IGSF3: variants seen among roughly 807,000 people sequenced by gnomAD.
IGSF3 encodes the protein immunoglobulin superfamily member 3.
IGSF3 carries 23 observed loss-of-function variants against 114.4 expected under a neutral mutation model. The ratio of observed to expected loss-of-function variants is 0.20; its 90% CI spans 0.14 to 0.28. IGSF3 has a LOEUF of 0.28. Among genes scored for constraint, IGSF3 ranks in the 10% least tolerant of loss-of-function variants. The probability of loss-of-function intolerance (pLI) is 1.00; values close to 1 mark genes in which losing one functional copy is unlikely to be tolerated. For synonymous variants in IGSF3, 571 were observed against 645.2 expected, an observed-to-expected ratio of 0.88 and a Z score of 1.74; for missense variants, 1,172 against 1,591.5, an observed-to-expected ratio of 0.74 and a Z score of 4.48.
intron 2 of IGSF3, among the ~76,000 whole-genome samples, chr1:116,635,423 C>T (rs2878672): frequency 0.12 from 17,818 of 152,160 alleles, 1,414 homozygotes; most frequent in Non-Finnish European, 0.17. Context: ...CATGGAGTGT[C>T]CCTAGATTCT....
chr1:116,592,308 C>T lies in IGSF3; in HGVS notation c.2030-3204G>A, dbSNP rs1660147575. Among the ~76,000 whole-genome samples the T allele has an allele frequency of 6.6e-6, 1 of 152,178 alleles. No homozygotes were observed. The highest frequency in any genetic ancestry group is 1.5e-5 in the Non-Finnish European group (1 of 68,034). ...AAGAAAAGAGTGAGGCTTGGTTAAC[C>T]CCCAACAGTGAATTGGCAGGAGGAA... On this transcript the variant is annotated intron_variant, in intron 7 of 10. Transcript: ENST00000369486. The surrounding 1 kb of genome is among the most constrained non-coding windows in gnomAD (Gnocchi z 4.5).
chr1:116,604,238 T>C (rs1253589551), intron 5 of IGSF3, among the ~76,000 whole-genome samples: 1 of 152,208 alleles, frequency 6.6e-6, no homozygotes, highest in Non-Finnish European at 1.5e-5. Flanking sequence ...TAGGATGTTC[T>C]TTGCCATGTG....
At position 116,654,169 on chromosome 1, in the gene IGSF3, C is replaced by T. The variant is rs966671898; in HGVS notation, c.43+12115G>A. ...TCTCCAAACCAACACCAAACCACTG[C>T]CAAACAAAGCTGAAGAGGAAAACCA... On this transcript the variant is annotated intron_variant, in intron 2 of 10. Transcript: ENST00000369486. This position sits in a 1 kb window ranked among gnomAD's most constrained non-coding sequence, Gnocchi z 4.4. Among the ~76,000 whole-genome samples the T allele has an allele frequency of 6.6e-6, 1 of 152,190 alleles. No individual in the cohort carries two copies.
rs1228895699 is a variant in IGSF3, at chr1:116,651,216, G to A, written c.43+15068C>T. On this transcript the variant is annotated intron_variant, in intron 2 of 10. Transcript: ENST00000369486. The surrounding 1 kb of genome is among the most constrained non-coding windows in gnomAD (Gnocchi z 4.4). Reference sequence around the variant, plus strand: ...AGTCTCCCTACACTAAGACTTAAAGGGAAGGCTTCTTTGGCTATGCCAGTA... The same window carrying A: ...AGTCTCCCTACACTAAGACTTAAAGAGAAGGCTTCTTTGGCTATGCCAGTA... Among the ~76,000 whole-genome samples the A allele has an allele frequency of 2.0e-5, 3 of 152,192 alleles. No homozygotes were observed. Among genetic ancestry groups the A allele is most frequent in the African/African-American group, 7.2e-5 (3 of 41,448 alleles).
At chr1:116,606,672 G>C (rs994711941) in intron 5 of IGSF3, 17 of 623,376 alleles carry the variant, frequency 2.7e-5, no homozygotes, top group African/African-American at 2.6e-4. Flanking sequence ...TTGATCCTTA[G>C]AAAACAATGA....
chr1:116,584,521 G>A lies in IGSF3; in HGVS notation c.2848+124C>T. On this transcript the variant is annotated intron_variant, in intron 9 of 10. Transcript: ENST00000369486. The surrounding 1 kb of genome is among the most constrained non-coding windows in gnomAD (Gnocchi z 5.8). ...ATTTTGAATATAAATGCATATACAT[G>A]TAGACACTCATATATTTAACTGCAA... The A allele has an allele frequency of 1.0e-6, 1 of 954,830 alleles. No homozygotes were observed. The highest frequency in any genetic ancestry group is 1.5e-5 in the South Asian group (1 of 66,780). 59.1% of individuals were successfully genotyped at this position (954,830 alleles called of 1,614,324 possible). A position where few individuals can be genotyped will look rare whatever the true frequency, so the allele number is the denominator to read the frequency against.
chr1:116,609,314 G>A (rs1243478794), intron 4 of IGSF3, among the ~76,000 whole-genome samples: 5 of 151,740 alleles, frequency 3.3e-5, no homozygotes, highest in African/African-American at 4.8e-5. Flanking sequence ...TGGCATGATC[G>A]TGGCTCACTG....
rs1027125650 is a variant in IGSF3 at position 116,666,450 on chromosome 1, A to G, written c.-124T>C. On this transcript the variant is annotated 5_prime_UTR_variant, in exon 2 of 11. Transcript: ENST00000369486. ...TTTGGAAATAGAACTTAACTCGGAA[A>G]ATGGGAACAGATTAAAAAGAAGAGA... 27 of 874,352 alleles carry G rather than the reference A, an allele frequency of 3.1e-5. No individual in the cohort carries two copies. Among genetic ancestry groups the G allele is most frequent in the Non-Finnish European group, 5.0e-5 (26 of 521,840 alleles). The allele number at this position is 874,352 out of a possible 1,614,324, so 54.2% of individuals were successfully genotyped here.
Position 116,577,663 on chromosome 1 carries a change from G to A in IGSF3, c.3335-101C>T. ...CACCTGACCCAGTGGAAGCTCCTCG[G>A]TGACACTCCCACACCACCTTGTCTT... On this transcript the variant is annotated intron_variant, in intron 10 of 10. Transcript: ENST00000369486. The surrounding 1 kb of genome is among the most constrained non-coding windows in gnomAD (Gnocchi z 5.7). The A allele has an allele frequency of 1.8e-6, 2 of 1,081,288 alleles. No homozygotes were observed. Among genetic ancestry groups the A allele is most frequent in the Non-Finnish European group, 2.7e-6 (2 of 733,430 alleles). 67.0% of individuals were successfully genotyped at this position (1,081,288 alleles called of 1,614,324 possible). A position where few individuals can be genotyped will look rare whatever the true frequency, so the allele number is the denominator to read the frequency against.
chr1:116,617,928 C>T (rs1557874077), intron 2 of IGSF3, among the ~76,000 whole-genome samples: 1 of 152,254 alleles, frequency 6.6e-6, no homozygotes, highest in African/African-American at 2.4e-5. Flanking sequence ...CTTGTGATAG[C>T]TTCCCTTTTC....
chr1:116,653,298 T>C (rs1306996923), intron 2 of IGSF3, among the ~76,000 whole-genome samples: 1 of 152,240 alleles, frequency 6.6e-6, no homozygotes, highest in Non-Finnish European at 1.5e-5. Context: ...GTCAGATTAC[T>C]GATGGGCATA....
chr1:116,597,790 G>C (rs1225170436), intron 7 of IGSF3, among the ~76,000 whole-genome samples: 1 of 152,160 alleles, frequency 6.6e-6, no homozygotes, highest in Non-Finnish European at 1.5e-5. Flanking sequence ...AGAGATACCT[G>C]GGCTCCAATC....
At chr1:116,658,421 C>A (rs1184725872) in intron 2 of IGSF3, among the ~76,000 whole-genome samples, 1 of 152,038 alleles carries the variant, frequency 6.6e-6, no homozygotes, top group Non-Finnish European at 1.5e-5. Flanking sequence ...CTGGGCCCCC[C>A]ACCTTCAGAA....
At position 116,612,588 on chromosome 1, in the gene IGSF3, C is replaced by A. The variant is rs920227064; in HGVS notation, c.832+1177G>T. On this transcript the variant is annotated intron_variant, in intron 4 of 10. Transcript: ENST00000369486. This position sits in a 1 kb window ranked among gnomAD's most constrained non-coding sequence, Gnocchi z 4.1. Reference sequence around the variant, plus strand: ...CAGAGAAAGTATGCAAAGACCCAGACAACTGACTGCAGCAAATGGAACAGG... The same window carrying A: ...CAGAGAAAGTATGCAAAGACCCAGAAAACTGACTGCAGCAAATGGAACAGG... 1.4e-4 allele frequency among the ~76,000 whole-genome samples: 22 copies of A among 152,242 alleles called. No homozygotes were observed. Among genetic ancestry groups the A allele is most frequent in the Admixed American group, 3.9e-4 (6 of 15,284 alleles).
At chr1:116,635,377 C>T (rs2336298) in intron 2 of IGSF3, among the ~76,000 whole-genome samples, 11 of 152,290 alleles carry the variant, frequency 7.2e-5, no homozygotes, top group South Asian at 4.1e-4. Flanking sequence ...TAGAGTAGTC[C>T]GTGCCCTTCT....
Position 116,647,145 on chromosome 1 carries a change from G to A in IGSF3, c.43+19139C>T, listed in dbSNP as rs950496475. ...AGGTATGGCAGGTGACAAAAAAGAT[G>A]AGGCTGAAGGTCAGGAGAGACCCAG... On this transcript the variant is annotated intron_variant, in intron 2 of 10. Transcript: ENST00000369486. This position sits in a 1 kb window ranked among gnomAD's most constrained non-coding sequence, Gnocchi z 4.6. 5.3e-5 allele frequency among the ~76,000 whole-genome samples: 8 copies of A among 152,214 alleles called. No individual in the cohort carries two copies. Among genetic ancestry groups the A allele is most frequent in the Non-Finnish European group, 7.3e-5 (5 of 68,034 alleles).
chr1:116,635,145 C>A (rs891510120), intron 2 of IGSF3, among the ~76,000 whole-genome samples: 1 of 152,210 alleles, frequency 6.6e-6, no homozygotes, highest in African/African-American at 2.4e-5. Context: ...TGGATAACTG[C>A]AACACCTGCT....
At chr1:116,626,753 C>A (rs1357597908) in intron 2 of IGSF3, among the ~76,000 whole-genome samples, 1 of 152,188 alleles carries the variant, frequency 6.6e-6, no homozygotes, top group Non-Finnish European at 1.5e-5. Context: ...ATCCTCCACT[C>A]CTCCCAGAAA....
In IGSF3 at chr1:116,636,180, T is replaced by G. The variant is rs1364873619; in HGVS notation, c.44-19723A>C. 6.6e-6 allele frequency among the ~76,000 whole-genome samples: 1 copy of G among 152,174 alleles called. No individual in the cohort carries two copies. Among genetic ancestry groups the G allele is most frequent in the Non-Finnish European group, 1.5e-5 (1 of 68,018 alleles). On this transcript the variant is annotated intron_variant, in intron 2 of 10. Transcript: ENST00000369486. This position sits in a 1 kb window ranked among gnomAD's most constrained non-coding sequence, Gnocchi z 4.5. ...TCCTGAGAGCCGCTCCACAATCACC[T>G]TCCCAAGAAGAATTCCCCATACCGA...
Sources: allele counts gnomAD v4.1 joint callset (sites outside exome capture counted in the v4.1 genomes callset), GRCh38; gene constraint gnomAD v4.1.1; non-coding constraint Gnocchi (gnomAD v3.1); transcripts MANE v1.5; gene names NCBI Gene and HGNC (gene_info 2026-07-23, HGNC 2026-07-21).